CCSER1: variants seen among roughly 807,000 people sequenced by gnomAD.
The protein encoded by CCSER1 is coiled-coil serine rich protein 1.
Under a neutral mutation model 82.0 loss-of-function variants are expected in CCSER1, and 41 were observed. That is an observed-to-expected ratio of 0.50 (90% CI 0.39 to 0.65). The LOEUF is 0.65. Ranked by LOEUF, CCSER1 falls within the 30% of genes least tolerant of loss-of-function variation. The pLI, the probability that CCSER1 is intolerant of heterozygous loss-of-function variation, is 0.00. For missense variants in CCSER1, 1,119 were observed against 1,064.2 expected, an observed-to-expected ratio of 1.05 and a Z score of -0.72; for synonymous variants, 414 against 383.9, an observed-to-expected ratio of 1.08 and a Z score of -0.92.
intron 8 of CCSER1, among the ~76,000 whole-genome samples, chr4:90,851,752 G>A (rs142723384): frequency 1.3e-3 from 194 of 152,034 alleles, no homozygotes; most frequent in Middle Eastern, 6.9e-3. Context: ...CTTTAACTGT[G>A]GACACTGTAA....
intron 10 of CCSER1, among the ~76,000 whole-genome samples, chr4:91,277,958 GTTGT>G (rs1338330745): frequency 6.6e-6 from 1 of 151,926 alleles, no homozygotes; most frequent in African/African-American, 2.4e-5. Context: ...TCAGGAGCAT[GTTGT>G]TTAATTTCCA....
chr4:90,533,386 C>A (rs914072125), intron 5 of CCSER1, among the ~76,000 whole-genome samples: 3 of 152,298 alleles, frequency 2.0e-5, no homozygotes, highest in Admixed American at 6.5e-5. Flanking sequence ...TGAGCCACTG[C>A]TCCTGGCCTC....
chr4:91,582,204 T>C (rs1327486936), intron 10 of CCSER1, among the ~76,000 whole-genome samples: 1 of 151,512 alleles, frequency 6.6e-6, no homozygotes, highest in Admixed American at 6.6e-5. Context: ...TTGCTACATG[T>C]AGGCAAGAAG....
intron 10 of CCSER1, among the ~76,000 whole-genome samples, chr4:91,088,979 T>A (rs1223060774): frequency 1.3e-5 from 2 of 152,166 alleles, no homozygotes; most frequent in Non-Finnish European, 2.9e-5. Flanking sequence ...GTTTAAGTAT[T>A]AAAGCTTCTG....
intron 5 of CCSER1, 82 bp from the exon 6 acceptor site, chr4:90,627,943 A>G (rs1274173518): frequency 5.0e-6 from 5 of 1,006,516 alleles, no homozygotes; most frequent in Non-Finnish European, 7.8e-6. Context: ...CTAGGATACT[A>G]GAAACATTGA....
At chr4:90,233,582 C>G (rs921392810) in intron 1 of CCSER1, among the ~76,000 whole-genome samples, 13 of 151,474 alleles carry the variant, frequency 8.6e-5, no homozygotes, top group Non-Finnish European at 1.8e-4. Flanking sequence ...ATGTAACTAA[C>G]CTGCACATTG....
At chr4:91,419,716 G>A (rs1753586217) in intron 10 of CCSER1, among the ~76,000 whole-genome samples, 1 of 151,898 alleles carries the variant, frequency 6.6e-6, no homozygotes, top group South Asian at 2.1e-4. Flanking sequence ...AAATTTATAT[G>A]GAGCCACAAA....
chr4:90,312,874 A>T lies in CCSER1; in HGVS notation c.1336A>T (p.Ser446Cys). 1 of 1,565,652 alleles carries T rather than the reference A, an allele frequency of 6.4e-7. No homozygotes were observed. Reference sequence around the variant, plus strand: ...TTTCCTTTCCATAGTTCTTGCCAGTAGTCTCAGTCCATTTCGTGAAGGAAG... The same window carrying T: ...TTTCCTTTCCATAGTTCTTGCCAGTTGTCTCAGTCCATTTCGTGAAGGAAG... The part of the protein sequence containing the change: ...EANPAKVLAS[S>C]LSPFREGRFI... The change falls in exon 3 of 11, where the codon AGT becomes TGT. Residue 446 changes from serine (S) to cysteine (C), a missense_variant. Ser to Cys is a moderately radical substitution (Grantham distance 112, BLOSUM62 -1). Transcript: ENST00000509176.
intron 6 of CCSER1, among the ~76,000 whole-genome samples, chr4:90,716,376 A>G (rs1741641833): frequency 6.6e-6 from 1 of 152,042 alleles, no homozygotes; most frequent in South Asian, 2.1e-4. Flanking sequence ...ATTCAAAAAT[A>G]TATAACCTAA....
At chr4:90,168,024 G>C (rs1730859236) in intron 1 of CCSER1, among the ~76,000 whole-genome samples, 1 of 151,882 alleles carries the variant, frequency 6.6e-6, no homozygotes, top group Non-Finnish European at 1.5e-5. Context: ...GGTATTTCTA[G>C]TTCTAGATCC....
chr4:91,140,731 C>T (rs553244027), intron 10 of CCSER1, among the ~76,000 whole-genome samples: 3 of 152,252 alleles, frequency 2.0e-5, no homozygotes, highest in South Asian at 2.1e-4. Flanking sequence ...ATTCCATTCC[C>T]ACATGGTATT....
chr4:90,464,518 A>T (rs1316257043), intron 4 of CCSER1, among the ~76,000 whole-genome samples: 5 of 152,146 alleles, frequency 3.3e-5, no homozygotes, highest in Admixed American at 3.3e-4. Flanking sequence ...ACACATGGGG[A>T]CTTTTATTTT....
chr4:91,599,790 A>G lies in CCSER1; in HGVS notation c.*733A>G, dbSNP rs372980376. On this transcript the variant is annotated 3_prime_UTR_variant, in exon 11 of 11. Transcript: ENST00000509176. The stretch of plus-strand genomic sequence containing the variant: ...TAGTTTTTGTTATTGATGTTGAAGT[A>G]CCGTGACATAACACAAGGTGATAAA... 8.9e-4 allele frequency: 136 copies of G among 152,298 alleles called. No individual in the cohort carries two copies. The highest frequency in any genetic ancestry group is 3.2e-3 in the African/African-American group (133 of 41,590). The allele number at this position is 152,298 out of a possible 1,614,324, so 9.4% of individuals were successfully genotyped here. A position where few individuals can be genotyped will look rare whatever the true frequency, so the allele number is the denominator to read the frequency against.
chr4:90,885,889 C>A (rs1722051585), intron 8 of CCSER1, among the ~76,000 whole-genome samples: 2 of 152,306 alleles, frequency 1.3e-5, no homozygotes, highest in East Asian at 1.9e-4. Flanking sequence ...TCCAAATGTT[C>A]TCTTCCTGAT....
At chr4:90,916,122 T>G (rs1241834456) in intron 8 of CCSER1, among the ~76,000 whole-genome samples, 1 of 152,120 alleles carries the variant, frequency 6.6e-6, no homozygotes, top group Non-Finnish European at 1.5e-5. Flanking sequence ...GCCATCCCCA[T>G]CAAGCTACCA....
chr4:91,314,548 G>C (rs1260314519), intron 10 of CCSER1, among the ~76,000 whole-genome samples: 2 of 151,906 alleles, frequency 1.3e-5, no homozygotes, highest in African/African-American at 4.8e-5. Flanking sequence ...GACTCTCTCT[G>C]ATGTATCCCA....
chr4:90,338,267 C>G (rs1189059860), intron 3 of CCSER1, among the ~76,000 whole-genome samples: 2 of 152,210 alleles, frequency 1.3e-5, no homozygotes, highest in African/African-American at 2.4e-5. Context: ...GTGAAACTCT[C>G]CTGAAATATT....
chr4:91,589,627 T>C (rs1764170947), intron 10 of CCSER1, among the ~76,000 whole-genome samples: 1 of 151,808 alleles, frequency 6.6e-6, no homozygotes, highest in South Asian at 2.1e-4. Context: ...TGTTCACTTT[T>C]CTGCATTCCT....
chr4:91,419,837 T>C (rs1753591869), intron 10 of CCSER1, among the ~76,000 whole-genome samples: 1 of 152,022 alleles, frequency 6.6e-6, no homozygotes, highest in Non-Finnish European at 1.5e-5. Flanking sequence ...ATGATGGTAC[T>C]GGCATAAAAA....
Sources: gnomAD v4.1 joint callset for allele counts (sites outside exome capture counted in the v4.1 genomes callset) on GRCh38, gnomAD v4.1.1 for gene constraint, MANE v1.5 for transcripts, NCBI Gene and HGNC (gene_info 2026-07-23, HGNC 2026-07-21) for gene names.